Variants in CD2AP observed in about 807,000 individuals in gnomAD.
CD2AP encodes the protein CD2-associated protein.
In CD2AP, 46 loss-of-function variants were observed where a neutral mutation model predicts 85.1. The observed-to-expected ratio is 0.54, with a 90% CI of 0.43 to 0.69. The LOEUF (loss-of-function observed/expected upper bound fraction) is 0.69, where lower values mean the gene tolerates loss of function less well. Among genes scored for constraint, CD2AP ranks in the 30% least tolerant of loss-of-function variants. The pLI, the probability that CD2AP is intolerant of heterozygous loss-of-function variation, is 0.00. For synonymous variants in CD2AP, 255 were observed against 252.9 expected (o/e 1.01, Z -0.08); for missense variants, 769 against 729.5 (o/e 1.05, Z -0.62).
intron 2 of CD2AP, among the ~76,000 whole-genome samples, chr6:47,531,518 T>G (rs1766874571): frequency 6.6e-6 from 1 of 150,816 alleles, no homozygotes; most frequent in Non-Finnish European, 1.5e-5. Context: ...GCTTTTTGGA[T>G]ATGAATCCAC....
chr6:47,544,740 A>G, intron 4 of CD2AP, 34 bp downstream of exon 4: 1 of 1,156,726 alleles, frequency 8.6e-7, no homozygotes, highest in South Asian at 1.2e-5. Context: ...TAAAACAGTA[A>G]TGGTAATTGA....
At chr6:47,579,740 A>C (rs963479531) in intron 9 of CD2AP, 19 of 407,366 alleles carry the variant, frequency 4.7e-5, no homozygotes, top group African/African-American at 3.9e-4. Flanking sequence ...ATAATTTAAG[A>C]AGGGCTGTCT....
Position 47,626,173 on chromosome 6 carries a change from T to TA in CD2AP, c.*1947dup, listed in dbSNP as rs1204542116. 6.6e-6 allele frequency: 1 copy of TA among 151,938 alleles called. No individual in the cohort carries two copies. The highest frequency in any genetic ancestry group is 1.5e-5 in the Non-Finnish European group (1 of 67,824). 9.4% of individuals were successfully genotyped at this position (151,938 alleles called of 1,614,324 possible). On this transcript the variant is annotated 3_prime_UTR_variant, in exon 18 of 18. Coordinates refer to ENST00000359314, the MANE Select transcript of CD2AP (RefSeq NM_012120.3). ...TTTTTGTTGGTCATTTTCTCAATAG[T>TA]ACATGAAATCAAGATGCTTATGAGC...
intron 3 of CD2AP, among the ~76,000 whole-genome samples, chr6:47,536,407 A>C (rs986126362): frequency 6.6e-6 from 1 of 152,168 alleles, no homozygotes; most frequent in African/African-American, 2.4e-5. Flanking sequence ...TAAACACTGC[A>C]GTGTATATGT....
At chr6:47,496,362 T>G (rs1409902729) in intron 1 of CD2AP, among the ~76,000 whole-genome samples, 1 of 152,212 alleles carries the variant, frequency 6.6e-6, no homozygotes, top group African/African-American at 2.4e-5. Context: ...TAACCTTTGT[T>G]TTACGATTTT....
intron 4 of CD2AP, 92 bp from the exon 5 acceptor site, chr6:47,554,554 G>A (rs985527960): frequency 8.6e-6 from 11 of 1,275,360 alleles, no homozygotes; most frequent in Non-Finnish European, 1.3e-5. Flanking sequence ...CTAATTTTGT[G>A]CCTGTTTGCT....
Position 47,479,823 on chromosome 6 carries a change from T to G in CD2AP, c.4+1575T>G, listed in dbSNP as rs114596760. 4.1e-3 allele frequency among the ~76,000 whole-genome samples: 620 copies of G among 152,188 alleles called. 2 individuals carry two copies. Among genetic ancestry groups the G allele is most frequent in the African/African-American group, 0.014 (566 of 41,542 alleles). On this transcript the variant is annotated intron_variant, in intron 1 of 17. Transcript: ENST00000359314. Reference sequence around the variant, plus strand: ...GCATTTTGAAATTATTTAAATACTTTTTTTTTTTGCTTTGCTTTTGGATGT... The same window carrying G: ...GCATTTTGAAATTATTTAAATACTTGTTTTTTTTGCTTTGCTTTTGGATGT...
intron 11 of CD2AP, 122 bp from the exon 12 acceptor site, chr6:47,595,739 A>G: frequency 1.4e-6 from 1 of 724,400 alleles, no homozygotes; most frequent in Admixed American, 2.2e-5. Flanking sequence ...GTATACAAAT[A>G]CAGAGAATGA....
chr6:47,609,493 A>G (rs1316460841), intron 16 of CD2AP, 189 bp downstream of exon 16: 1 of 372,502 alleles, frequency 2.7e-6, no homozygotes. Flanking sequence ...CCTGGACGAC[A>G]TGACAAAACC....
At chr6:47,480,676 G>T (rs1273899658) in intron 1 of CD2AP, among the ~76,000 whole-genome samples, 1 of 152,158 alleles carries the variant, frequency 6.6e-6, no homozygotes, top group Non-Finnish European at 1.5e-5. Flanking sequence ...CACTGCCAGT[G>T]CTGGCGGTGG....
chr6:47,553,057 T>C (rs1009721750), intron 4 of CD2AP, among the ~76,000 whole-genome samples: 3 of 152,112 alleles, frequency 2.0e-5, no homozygotes, highest in African/African-American at 7.2e-5. Context: ...ATGTTAGTTA[T>C]AGTACCTCTT....
chr6:47,576,683 G>A (rs1768322668), intron 7 of CD2AP, 81 bp downstream of exon 7: 1 of 1,035,968 alleles, frequency 9.7e-7, no homozygotes, highest in Admixed American at 1.7e-5. Context: ...GGAAGCATTT[G>A]TTACACTGTC....
chr6:47,559,271 T>C (rs1285577786), intron 5 of CD2AP, among the ~76,000 whole-genome samples: 1 of 151,644 alleles, frequency 6.6e-6, no homozygotes, highest in Non-Finnish European at 1.5e-5. Context: ...TTTTTTTTTT[T>C]TTTTAACAGG....
chr6:47,620,896 T>C lies in CD2AP; in HGVS notation c.1879-3290T>C, dbSNP rs1009642997. On this transcript the variant is annotated intron_variant, in intron 17 of 17. Transcript: ENST00000359314. Reference sequence around the variant, plus strand: ...GAGCTACTGATTTGTGTAGCTCTTATACCCGAAACTTCGCTGAATTGTTTT... The same window carrying C: ...GAGCTACTGATTTGTGTAGCTCTTACACCCGAAACTTCGCTGAATTGTTTT... 2.6e-5 allele frequency among the ~76,000 whole-genome samples: 4 copies of C among 152,264 alleles called. No individual in the cohort carries two copies. In the South Asian group the frequency reaches 6.2e-4, roughly 24 times the overall value.
At chr6:47,611,930 T>A (rs551910645) in intron 16 of CD2AP, among the ~76,000 whole-genome samples, 165 of 152,192 alleles carry the variant, frequency 1.1e-3, no homozygotes, top group Non-Finnish European at 2.0e-3. Flanking sequence ...AGGACAACTA[T>A]ATAGAAAGAT....
intron 12 of CD2AP, among the ~76,000 whole-genome samples, chr6:47,598,270 A>G (rs1355845595): frequency 6.6e-6 from 1 of 150,996 alleles, no homozygotes; most frequent in Non-Finnish European, 1.5e-5. Context: ...GCATGGATGC[A>G]GTGAAAAGGG....
At chr6:47,579,038 TA>T (rs1289340318) in intron 8 of CD2AP, among the ~76,000 whole-genome samples, 2 of 152,220 alleles carry the variant, frequency 1.3e-5, no homozygotes, top group Non-Finnish European at 2.9e-5. Context: ...TTTTTAAAAC[TA>T]AACGCAATTT....
At chr6:47,487,473 A>C (rs1041179921) in intron 1 of CD2AP, among the ~76,000 whole-genome samples, 9 of 152,062 alleles carry the variant, frequency 5.9e-5, no homozygotes, top group Non-Finnish European at 8.8e-5. Context: ...GACAGATCAC[A>C]AGGTCAGGAG....
chr6:47,536,198 A>G (rs1410121992), intron 3 of CD2AP, among the ~76,000 whole-genome samples: 2 of 150,922 alleles, frequency 1.3e-5, no homozygotes, highest in Admixed American at 6.6e-5. Context: ...CCTGTCATTT[A>G]TGTATTATTT....
Sources: allele counts gnomAD v4.1 joint callset (sites outside exome capture counted in the v4.1 genomes callset), GRCh38; gene constraint gnomAD v4.1.1; transcripts MANE v1.5; gene names NCBI Gene and HGNC (gene_info 2026-07-23, HGNC 2026-07-21).